Variants in FASN observed in about 807,000 individuals in gnomAD.
FASN encodes the protein 3-hydroxyacyl-[acyl-carrier-protein] dehydratase.
Under a neutral mutation model 250.0 loss-of-function variants are expected in FASN, and 50 were observed. That is an observed-to-expected ratio of 0.20 (90% confidence interval 0.16 to 0.25). The LOEUF is 0.25. Ranked by LOEUF, FASN falls within the 10% of genes least tolerant of loss-of-function variation. The pLI is 1.00. For synonymous variants in FASN, 1,909 were observed against 1,584.0 expected (o/e 1.21, Z -4.87); for missense variants, 3,031 against 3,498.5 (o/e 0.87, Z 3.37).
chr17:82,091,201 G>A (rs1367088866), intron 9 of FASN, 21 bp downstream of exon 9: 7 of 1,601,222 alleles, frequency 4.4e-6, no homozygotes, highest in South Asian at 3.3e-5. Flanking sequence ...GGACCACCTT[G>A]GGGGCAGAGT....
At chr17:82,092,252 C>T (rs1486705479) in intron 8 of FASN, among the ~76,000 whole-genome samples, 1 of 152,200 alleles carries the variant, frequency 6.6e-6, no homozygotes, top group African/African-American at 2.4e-5. Context: ...CAGGGAAGGC[C>T]CAGCGAGCCT....
In FASN at chr17:82,089,285, C is replaced by T. The variant is rs999063855; in HGVS notation, c.2065G>A (p.Ala689Thr). Residue 689 changes from alanine to threonine, a missense_variant, in exon 13 of 43, where the codon GCC (alanine) becomes ACC (threonine). Coordinates refer to ENST00000306749, the MANE Select transcript of FASN (RefSeq NM_004104.5). Reference protein sequence around the residue: ...GMAFHSYFMEAIAPPLLQELK... With the variant: ...GMAFHSYFMETIAPPLLQELK... ...TCCTGCAGCAGTGGGGGTGCGATGG[C>T]CTCCATGAAGTAGGAGTGGAAGGCC... 4 of 1,612,700 alleles carry T rather than the reference C, an allele frequency of 2.5e-6. No homozygotes were observed. Among genetic ancestry groups the T allele is most frequent in the Non-Finnish European group, 2.5e-6 (3 of 1,179,940 alleles).
chr17:82,092,327 G>A (rs554298678), intron 8 of FASN, 128 bp downstream of exon 8: 6 of 1,005,414 alleles, frequency 6.0e-6, no homozygotes, highest in South Asian at 5.8e-5. Flanking sequence ...TAGCCCGGGG[G>A]ACAGAGGCTC....
chr17:82,096,217 G>A, intron 2 of FASN, 102 bp downstream of exon 2: 1 of 1,571,486 alleles, frequency 6.4e-7, no homozygotes, highest in Non-Finnish European at 8.7e-7. Context: ...TCAGGCCAGT[G>A]CCTGGGTGGT....
In FASN at chr17:82,081,649, C is replaced by T; in HGVS notation, c.6358G>A (p.Asp2120Asn). 1 of 1,612,794 alleles carries T rather than the reference C, an allele frequency of 6.2e-7. No individual in the cohort carries two copies. Among genetic ancestry groups the T allele is most frequent in the Non-Finnish European group, 8.5e-7 (1 of 1,180,010 alleles). Residue 2120 changes from aspartate to asparagine, a missense_variant, in exon 37 of 43, where the codon GAC becomes AAC. Coordinates refer to ENST00000306749, the MANE Select transcript of FASN (RefSeq NM_004104.5). ...VLAEKAAAYRDRDSQRDLVEA... is the reference protein window; with the variant it reads ...VLAEKAAAYRNRDSQRDLVEA... ...ACCAGGTCCCGCTGGCTGTCCCTGT[C>T]CCTATAGGCCGCAGCCTTCTCAGCC...
Position 82,092,825 on chromosome 17 carries a change from C to G in FASN, c.779-13G>C, listed in dbSNP as rs748757789. The G allele has an allele frequency of 3.2e-6, 5 of 1,587,126 alleles. No homozygotes were observed. The highest frequency in any genetic ancestry group is 3.4e-6 in the Non-Finnish European group (4 of 1,167,732). On this transcript the variant is annotated splice_polypyrimidine_tract_variant and intron_variant, in intron 6 of 42. Transcript: ENST00000306749. ...GGGAAGGTCACGCCTGCGGAGGGCT[C>G]GGCTCAGTGCTGCAGCCCCAGCCCC... is the stretch of plus-strand genomic sequence containing the variant.
rs149528157 is a variant in FASN, at chr17:82,082,070, G to A, written c.6102C>T (p.Tyr2034=). The change falls in exon 36 of 43, where the codon TAC becomes TAT. Residue 2034 remains tyrosine (Y), a synonymous_variant. Coordinates refer to ENST00000306749, the MANE Select transcript of FASN (RefSeq NM_004104.5). ...GCTCCATGGCGGAATTGGCAAAGCC[G>A]TAGTTGCTCTGTCCCGCATTGCCAC... ...CGRGNAGQSN[Y]GFANSAMERI... is the part of the protein sequence containing the mutation. 31 of 1,610,248 alleles carry A rather than the reference G, an allele frequency of 1.9e-5. No individual in the cohort carries two copies. In the African/African-American group the frequency reaches 2.4e-4, roughly 12 times the overall value.
At chr17:82,096,100 G>C (rs924586050) in intron 2 of FASN, among the ~76,000 whole-genome samples, 1 of 152,242 alleles carries the variant, frequency 6.6e-6, no homozygotes, top group Non-Finnish European at 1.5e-5. Flanking sequence ...GGAACCTCCT[G>C]GCAGGCTGGG....
In FASN at chr17:82,086,570, G is replaced by C; in HGVS notation, c.3428-12C>G. On this transcript the variant is annotated splice_polypyrimidine_tract_variant and intron_variant, in intron 21 of 42. Transcript: ENST00000306749. ...TGCCTGCACCAGCCCTGGGGAGGGA[G>C]GGAGGCAGGCCTGGTGTTCCCAAAG... The C allele has an allele frequency of 6.3e-7, 1 of 1,599,446 alleles. No individual in the cohort carries two copies.
chr17:82,084,980 C>A lies in FASN; in HGVS notation c.4410-27G>T, dbSNP rs1196064336. ...TGGGGGCAGAGGCGGGGAGCTCAGG[C>A]TGGGGATGGGGAGGCTGGTGGGGAA... On this transcript the variant is annotated intron_variant, in intron 25 of 42. Transcript: ENST00000306749. 15 of 1,569,724 alleles carry A rather than the reference C, an allele frequency of 9.6e-6. No individual in the cohort carries two copies. The South Asian group carries it at 1.5e-4, about 16-fold the overall frequency.
At chr17:82,096,292 G>A (rs201797055) in intron 2 of FASN, 27 bp downstream of exon 2, 28 of 1,610,394 alleles carry the variant, frequency 1.7e-5, no homozygotes, top group East Asian at 8.9e-5. Context: ...TCACACCCCA[G>A]GCACGGGGAG....
In FASN at chr17:82,085,990, C is replaced by T. The variant is rs749048960; in HGVS notation, c.3733-119G>A. 6.7e-5 allele frequency: 89 copies of T among 1,318,610 alleles called. 1 individual carries two copies. Among genetic ancestry groups the T allele is most frequent in the South Asian group, 3.4e-4 (23 of 66,720 alleles). The allele number at this position is 1,318,610 out of a possible 1,614,324, so 81.7% of individuals were successfully genotyped here. On this transcript the variant is annotated intron_variant, in intron 22 of 42. Transcript: ENST00000306749. ...AAAGGCTTCCCCGTCAACCTGATGA[C>T]GGTGCCAGCCATGGGCACGCATGGA...
chr17:82,097,417 C>T (rs2034322557), intron 1 of FASN: 1 of 152,306 alleles, frequency 6.6e-6, no homozygotes, highest in Non-Finnish European at 1.5e-5. Flanking sequence ...GCCCCAGGGC[C>T]TGATACGCGC....
chr17:82,095,448 G>A lies in FASN; in HGVS notation c.152C>T (p.Ser51Phe), dbSNP rs779797169. The A allele has an allele frequency of 1.1e-5, 17 of 1,612,722 alleles. No individual in the cohort carries two copies. In the South Asian group the frequency reaches 1.9e-4, roughly 18 times the overall value. Residue 51 changes from serine (S) to phenylalanine (F), a missense_variant, in exon 3 of 43, where the codon TCC (serine) becomes TTC (phenylalanine). Physicochemically the swap from Ser to Phe is radical, Grantham distance 155. Transcript: ENST00000306749. Reference protein sequence around the residue: ...KAGLYGLPRRSGKLKDLSRFD... With the variant: ...KAGLYGLPRRFGKLKDLSRFD... ...CCTAGACAGGTCCTTCAGCTTGCCGGACCGCCGGGGCAGGCCGTAGAGCCC... is the reference window on the plus strand; with the variant it reads ...CCTAGACAGGTCCTTCAGCTTGCCGAACCGCCGGGGCAGGCCGTAGAGCCC...
intron 8 of FASN, among the ~76,000 whole-genome samples, chr17:82,092,227 A>T (rs2144805366): frequency 6.6e-6 from 1 of 152,276 alleles, no homozygotes; most frequent in African/African-American, 2.4e-5. Flanking sequence ...GACGCTCTGC[A>T]GGGCATCAGG....
At position 82,079,526 on chromosome 17, in the gene FASN, C is replaced by T. The variant is rs373613096; in HGVS notation, c.7229G>A (p.Gly2410Asp). The T allele has an allele frequency of 1.2e-5, 19 of 1,611,088 alleles. No individual in the cohort carries two copies. In the African/African-American group the frequency reaches 2.4e-4, roughly 20 times the overall value. The change falls in exon 42 of 43, where the codon GGC becomes GAC. Residue 2410 changes from glycine to aspartate, a missense_variant. Coordinates refer to ENST00000306749, the MANE Select transcript of FASN (RefSeq NM_004104.5). ...AVDLIIKSHQGLDRQELSFAA... is the reference protein window; with the variant it reads ...AVDLIIKSHQDLDRQELSFAA... The stretch of plus-strand genomic sequence containing the variant: ...AAAGCTCAGCTCCTGGCGGTCCAGG[C>T]CCTGGTGGCTCTTGATGATCAGGTC...
chr17:82,089,689 C>A lies in FASN; in HGVS notation c.1908G>T (p.Pro636=). Residue 636 remains proline (P), a synonymous_variant, in exon 12 of 43, where the codon CCG becomes CCT. Transcript: ENST00000306749. The part of the protein sequence containing the change: ...SWEECKQRCP[P]GVVPACHNSK... ...AGTTGTGGCAGGCGGGCACCACGCC[C>A]GGGGGGCAGCGCTGTTTACACTCCT... 4.4e-6 allele frequency: 7 copies of A among 1,588,714 alleles called. No homozygotes were observed. Among genetic ancestry groups the A allele is most frequent in the Non-Finnish European group, 6.0e-6 (7 of 1,169,690 alleles).
chr17:82,088,821 T>C lies in FASN; in HGVS notation c.2360A>G (p.Lys787Arg). The change falls in exon 15 of 43, where the codon AAG (lysine) becomes AGG (arginine). Residue 787 changes from lysine to arginine, a missense_variant. Transcript: ENST00000306749. ...GAACTCCAGGTTGTCCCTGTGATCC[T>C]TCTTCATCAGGGGGATGATGGTGCA... ...PSCTIIPLMK[K>R]DHRDNLEFFL... 6.2e-7 allele frequency: 1 copy of C among 1,612,572 alleles called. No individual in the cohort carries two copies. Among genetic ancestry groups the C allele is most frequent in the Non-Finnish European group, 8.5e-7 (1 of 1,179,828 alleles).
At position 82,091,415 on chromosome 17, in the gene FASN, G is replaced by A. The variant is rs754920156; in HGVS notation, c.1299C>T (p.Ala433=). 2.2e-5 allele frequency: 35 copies of A among 1,609,242 alleles called. No individual in the cohort carries two copies. In the East Asian group the frequency reaches 4.7e-4, roughly 22 times the overall value. Residue 433 remains alanine (A), a synonymous_variant, in exon 9 of 43, where the codon GCC becomes GCT. Coordinates refer to ENST00000306749, the MANE Select transcript of FASN (RefSeq NM_004104.5). ...LLRASGRTPE[A]VQKLLEQGLR... is the part of the protein sequence containing the mutation. Reference sequence around the variant, plus strand: ...GGCCCTGCTCCAGCAGCTTCTGCACGGCCTCAGGGGTGCGTCCGCTGGCCC... The same window carrying A: ...GGCCCTGCTCCAGCAGCTTCTGCACAGCCTCAGGGGTGCGTCCGCTGGCCC...
Sources: gnomAD v4.1 joint callset for allele counts (sites outside exome capture counted in the v4.1 genomes callset) on GRCh38, gnomAD v4.1.1 for gene constraint, MANE v1.5 for transcripts, NCBI Gene and HGNC (gene_info 2026-07-23, HGNC 2026-07-21) for gene names.